The following GSAP variants were observed in gnomAD, a reference collection of about 807,000 sequenced individuals.
GSAP encodes the protein gamma-secretase-activating protein.
In GSAP, 118 loss-of-function variants were observed where a neutral mutation model predicts 131.7. The observed-to-expected ratio is 0.90, with a 90% CI of 0.77 to 1.04. The LOEUF (loss-of-function observed/expected upper bound fraction) is 1.04. Among genes scored for constraint, GSAP ranks in the 50% least tolerant of loss-of-function variants. GSAP has a pLI of 0.00. For missense variants in GSAP, 1,019 were observed against 1,013.2 expected, an observed-to-expected ratio of 1.01 and a Z score of -0.08; for synonymous variants, 381 against 363.4, an observed-to-expected ratio of 1.05 and a Z score of -0.55.
In GSAP at chr7:77,373,847, T is replaced by C. The variant is rs372492965; in HGVS notation, c.871+223A>G. Among the ~76,000 whole-genome samples the C allele has an allele frequency of 6.6e-5, 10 of 152,320 alleles. No homozygotes were observed. In the South Asian group the frequency reaches 1.0e-3, roughly 16 times the overall value. On this transcript the variant is annotated intron_variant, in intron 12 of 30. Coordinates refer to ENST00000257626, the MANE Select transcript of GSAP (RefSeq NM_017439.4). ...CTGTTAGAACCATACAAATAATAAC[T>C]ACTAGAAGAATAACTCTGCTGTTAA...
intron 19 of GSAP, among the ~76,000 whole-genome samples, chr7:77,348,271 C>T (rs1363859227): frequency 2.0e-5 from 3 of 152,174 alleles, no homozygotes; most frequent in African/African-American, 4.8e-5. Context: ...TCTTTTAAAA[C>T]ACCTTTTAAA....
chr7:77,387,240 T>G, intron 6 of GSAP, 120 bp downstream of exon 6: 1 of 524,506 alleles, frequency 1.9e-6, no homozygotes, highest in Non-Finnish European at 3.4e-6. Flanking sequence ...GCCATAGTAG[T>G]CTACAAGACT....
At chr7:77,400,861 GAA>G (rs946493099) in intron 3 of GSAP, among the ~76,000 whole-genome samples, 44 of 148,056 alleles carry the variant, frequency 3.0e-4, no homozygotes, top group African/African-American at 9.9e-4. Flanking sequence ...TGAAGCAAAC[GAA>G]AAAAAGTCTC....
At chr7:77,341,450 A>C in intron 19 of GSAP, among the ~76,000 whole-genome samples, 1 of 152,118 alleles carries the variant, frequency 6.6e-6, no homozygotes, top group East Asian at 1.9e-4. Context: ...TTACAGTTTC[A>C]TTCCACGACT....
At chr7:77,318,492 C>G (rs1221488915) in intron 26 of GSAP, among the ~76,000 whole-genome samples, 1 of 152,132 alleles carries the variant, frequency 6.6e-6, no homozygotes, top group Non-Finnish European at 1.5e-5. Flanking sequence ...TAAATATCAG[C>G]TGATATGTAG....
In GSAP at chr7:77,312,090, G is replaced by A; in HGVS notation, c.2373+11C>T. On this transcript the variant is annotated intron_variant, in intron 29 of 30. Coordinates refer to ENST00000257626, the MANE Select transcript of GSAP (RefSeq NM_017439.4). ...AAACATTTAGTTGGCTGTGCTTTCA[G>A]AGAAACTCACCTGTTTCTTATAGTT... is the stretch of plus-strand genomic sequence containing the variant. 6.5e-7 allele frequency: 1 copy of A among 1,543,752 alleles called. No individual in the cohort carries two copies. Among genetic ancestry groups the A allele is most frequent in the South Asian group, 1.2e-5 (1 of 86,132 alleles).
At chr7:77,375,945 A>T (rs1289738177) in intron 10 of GSAP, among the ~76,000 whole-genome samples, 3 of 151,748 alleles carry the variant, frequency 2.0e-5, no homozygotes, top group African/African-American at 4.8e-5. Context: ...ATCTTTTTTT[A>T]AAAAATTCAA....
intron 1 of GSAP, chr7:77,415,912 T>C (rs1300844971): frequency 3.2e-6 from 1 of 316,654 alleles, no homozygotes. Context: ...CGTGAGGTGA[T>C]GCTGAGGGAA....
intron 21 of GSAP, 121 bp from the exon 22 acceptor site, chr7:77,328,758 A>T (rs925676542): frequency 3.0e-6 from 2 of 658,160 alleles, no homozygotes; most frequent in Non-Finnish European, 5.2e-6. Context: ...ACTATTCTCA[A>T]GCTGCTGAAA....
intron 1 of GSAP, among the ~76,000 whole-genome samples, chr7:77,406,474 T>C (rs1802287774): frequency 6.6e-6 from 1 of 152,236 alleles, no homozygotes; most frequent in Non-Finnish European, 1.5e-5. Context: ...TGAGGATATA[T>C]CATTAAGGGC....
chr7:77,320,686 A>T, intron 26 of GSAP, 39 bp downstream of exon 26: 1 of 1,172,284 alleles, frequency 8.5e-7, no homozygotes, highest in Non-Finnish European at 1.3e-6. Flanking sequence ...AAGAAGAAAT[A>T]AATTTATTAT....
At chr7:77,392,237 A>G (rs1281826700) in intron 5 of GSAP, among the ~76,000 whole-genome samples, 3 of 150,708 alleles carry the variant, frequency 2.0e-5, no homozygotes. Context: ...AAAAAAAAAA[A>G]GAATTTTGAG....
chr7:77,336,481 CTTTTT>C (rs140795283), intron 19 of GSAP, among the ~76,000 whole-genome samples: 1 of 151,146 alleles, frequency 6.6e-6, no homozygotes, highest in Non-Finnish European at 1.5e-5. Context: ...GCCTCAAGCT[CTTTTT>C]TTTTGTTTTT....
intron 6 of GSAP, among the ~76,000 whole-genome samples, chr7:77,385,090 A>G (rs181992880): frequency 0.011 from 1,709 of 150,884 alleles, 29 homozygotes; most frequent in African/African-American, 0.039. Flanking sequence ...CTGGAGTGCA[A>G]TGGCACGATC....
chr7:77,343,902 C>T (rs959390208), intron 19 of GSAP, among the ~76,000 whole-genome samples: 3 of 152,186 alleles, frequency 2.0e-5, no homozygotes, highest in Non-Finnish European at 4.4e-5. Flanking sequence ...AAGGAAATCA[C>T]TTCTCAGTGT....
chr7:77,401,006 T>C (rs1397010360), intron 3 of GSAP, among the ~76,000 whole-genome samples: 1 of 147,234 alleles, frequency 6.8e-6, no homozygotes, highest in Non-Finnish European at 1.5e-5. Context: ...GACAGAACAA[T>C]CAGTGAACTT....
At chr7:77,397,440 A>G (rs1254896586) in intron 3 of GSAP, 25 bp from the exon 4 acceptor site, 2 of 1,308,532 alleles carry the variant, frequency 1.5e-6, no homozygotes, top group Non-Finnish European at 2.2e-6. Context: ...ATATTTTTTA[A>G]TTTGAAGTTT....
chr7:77,322,458 GTTA>G (rs1787782699), intron 24 of GSAP, among the ~76,000 whole-genome samples: 1 of 151,944 alleles, frequency 6.6e-6, no homozygotes, highest in African/African-American at 2.4e-5. Context: ...TAAAACTTAT[GTTA>G]TTAACAATGG....
intron 3 of GSAP, among the ~76,000 whole-genome samples, chr7:77,397,834 C>A (rs1349332158): frequency 1.3e-5 from 2 of 152,154 alleles, no homozygotes; most frequent in Non-Finnish European, 2.9e-5. Flanking sequence ...ACATGAAGCA[C>A]TTAGTGCAAT....
Sources: allele counts gnomAD v4.1 joint callset (sites outside exome capture counted in the v4.1 genomes callset), GRCh38; gene constraint gnomAD v4.1.1; transcripts MANE v1.5; gene names NCBI Gene and HGNC (gene_info 2026-07-23, HGNC 2026-07-21).